Variants in WDR7 observed in about 807,000 individuals in gnomAD.
WDR7 encodes the protein WD repeat-containing protein 7.
A neutral mutation model predicts 169.4 loss-of-function variants in WDR7; 46 were observed. The observed-to-expected ratio is 0.27, with a 90% confidence interval of 0.21 to 0.35. WDR7 has a LOEUF of 0.35. Among genes scored for constraint, WDR7 ranks in the 10% least tolerant of loss-of-function variants. The pLI is 1.00. For synonymous variants in WDR7, 612 were observed against 666.8 expected, an observed-to-expected ratio of 0.92 and a Z score of 1.27; for missense variants, 1,534 against 1,859.3, an observed-to-expected ratio of 0.83 and a Z score of 3.22.
chr18:56,767,740 TAG>T (rs1016704998), intron 16 of WDR7, among the ~76,000 whole-genome samples: 3 of 152,188 alleles, frequency 2.0e-5, no homozygotes, highest in Admixed American at 6.5e-5. Flanking sequence ...GTGATATTTT[TAG>T]AGTGTTATTA....
chr18:56,706,680 T>G (rs1192237258), intron 12 of WDR7, among the ~76,000 whole-genome samples: 1 of 152,000 alleles, frequency 6.6e-6, no homozygotes, highest in East Asian at 1.9e-4. Context: ...TTAGAAAAAT[T>G]TTATTTTTAT....
intron 26 of WDR7, among the ~76,000 whole-genome samples, chr18:57,015,787 A>T (rs138110738): frequency 6.6e-6 from 1 of 152,308 alleles, no homozygotes; most frequent in East Asian, 1.9e-4. Flanking sequence ...ATTAAGTGGG[A>T]GCAGCACTGG....
intron 5 of WDR7, among the ~76,000 whole-genome samples, chr18:56,683,505 A>G (rs2025389016): frequency 6.6e-6 from 1 of 152,126 alleles, no homozygotes; most frequent in South Asian, 2.1e-4. Context: ...TGTGCTTCCT[A>G]TAGAGGCCAG....
chr18:57,021,612 G>A (rs1283251228), intron 27 of WDR7, among the ~76,000 whole-genome samples: 1 of 152,132 alleles, frequency 6.6e-6, no homozygotes, highest in African/African-American at 2.4e-5. Flanking sequence ...CATTAATTTT[G>A]AGCAACTAAT....
At chr18:56,897,908 G>C (rs2046351196) in intron 21 of WDR7, among the ~76,000 whole-genome samples, 1 of 151,922 alleles carries the variant, frequency 6.6e-6, no homozygotes, top group African/African-American at 2.4e-5. Context: ...TACCTTGATT[G>C]GTGTGGAGAC....
At chr18:56,869,985 A>G (rs1456399137) in intron 20 of WDR7, among the ~76,000 whole-genome samples, 1 of 152,132 alleles carries the variant, frequency 6.6e-6, no homozygotes, top group East Asian at 1.9e-4. Flanking sequence ...AGCCTATGAA[A>G]CCTGGATTCA....
intron 21 of WDR7, among the ~76,000 whole-genome samples, chr18:56,897,910 T>A (rs1054250787): frequency 1.1e-4 from 17 of 152,080 alleles, no homozygotes; most frequent in African/African-American, 3.1e-4. Flanking sequence ...CCTTGATTGG[T>A]GTGGAGACGT....
At chr18:56,955,293 A>C (rs912883442) in intron 25 of WDR7, among the ~76,000 whole-genome samples, 6 of 152,140 alleles carry the variant, frequency 3.9e-5, no homozygotes, top group Non-Finnish European at 8.8e-5. Context: ...GCTGTCTTTT[A>C]ATGCTAAAGT....
intron 12 of WDR7, among the ~76,000 whole-genome samples, chr18:56,710,507 A>G (rs2430907): frequency 0.096 from 14,672 of 152,166 alleles, 852 homozygotes; most frequent in Non-Finnish European, 0.13. Context: ...TAGCAATTCT[A>G]CCTTGGGTAT....
intron 16 of WDR7, among the ~76,000 whole-genome samples, chr18:56,772,686 T>C (rs1599032278): frequency 6.6e-6 from 1 of 151,470 alleles, no homozygotes; most frequent in Non-Finnish European, 1.5e-5. Context: ...TATAGAGATA[T>C]ATATCATATA....
At chr18:56,949,187 G>A (rs1207812654) in intron 25 of WDR7, among the ~76,000 whole-genome samples, 11 of 150,654 alleles carry the variant, frequency 7.3e-5, no homozygotes, top group African/African-American at 1.7e-4. Flanking sequence ...CTTTGATTAC[G>A]AAATGCTTTT....
At chr18:56,844,471 A>G (rs1041102158) in intron 20 of WDR7, among the ~76,000 whole-genome samples, 3 of 152,224 alleles carry the variant, frequency 2.0e-5, no homozygotes, top group African/African-American at 7.2e-5. Context: ...TACTAAGGAC[A>G]GTCACAAAAA....
intron 26 of WDR7, among the ~76,000 whole-genome samples, chr18:57,017,922 AG>A (rs2048230021): frequency 6.6e-6 from 1 of 152,242 alleles, no homozygotes; most frequent in South Asian, 2.1e-4. Flanking sequence ...TACTCGCCAG[AG>A]GAAGACAAAA....
chr18:56,681,999 GAA>G (rs949339140), intron 4 of WDR7, among the ~76,000 whole-genome samples: 1 of 152,046 alleles, frequency 6.6e-6, no homozygotes, highest in Admixed American at 6.6e-5. Flanking sequence ...TTGAGTGTTG[GAA>G]AAATTATGAA....
At chr18:56,988,592 TGTGTGTGTG>T (rs2047760938) in intron 26 of WDR7, among the ~76,000 whole-genome samples, 1 of 28,100 alleles carries the variant, frequency 3.6e-5, no homozygotes, top group Admixed American at 3.4e-4. Context: ...GGAAGGCAAG[TGTGTGTGTG>T]TGTGTGTGTG....
intron 20 of WDR7, among the ~76,000 whole-genome samples, chr18:56,820,753 G>C (rs982984505): frequency 3.9e-5 from 6 of 152,240 alleles, no homozygotes; most frequent in Admixed American, 1.3e-4. Context: ...GTAAATTGAT[G>C]TAAGTTTTCT....
chr18:56,751,744 G>A (rs1050445516), intron 14 of WDR7, among the ~76,000 whole-genome samples: 1 of 152,232 alleles, frequency 6.6e-6, no homozygotes, highest in Non-Finnish European at 1.5e-5. Context: ...ATTTTATGTA[G>A]TATTCACTTT....
chr18:56,868,631 TAAG>T (rs2045912915), intron 20 of WDR7, among the ~76,000 whole-genome samples: 1 of 152,202 alleles, frequency 6.6e-6, no homozygotes, highest in Admixed American at 6.5e-5. Context: ...TTTCTTTTTC[TAAG>T]TAGTAACTGT....
intron 27 of WDR7, among the ~76,000 whole-genome samples, chr18:57,021,779 C>A (rs2048296066): frequency 6.6e-6 from 1 of 152,044 alleles, no homozygotes; most frequent in South Asian, 2.1e-4. Context: ...TCTTAGAATG[C>A]CAGTATGTTT....
Sources: allele counts gnomAD v4.1 joint callset (sites outside exome capture counted in the v4.1 genomes callset), GRCh38; gene constraint gnomAD v4.1.1; transcripts MANE v1.5; gene names NCBI Gene and HGNC (gene_info 2026-07-23, HGNC 2026-07-21).